The following SDK1 variants were observed in gnomAD, a reference collection of about 807,000 sequenced individuals.
SDK1 encodes the protein sidekick cell adhesion molecule 1.
A neutral mutation model predicts 245.5 loss-of-function variants in SDK1; 157 were observed. That is an observed-to-expected ratio of 0.64 (90% confidence interval 0.56 to 0.73). The LOEUF (loss-of-function observed/expected upper bound fraction) is 0.73, where lower values mean the gene tolerates loss of function less well. Among genes scored for constraint, SDK1 ranks in the 30% least tolerant of loss-of-function variants. The probability of loss-of-function intolerance (pLI) is 0.00; values close to 1 mark genes in which losing one functional copy is unlikely to be tolerated. For synonymous variants in SDK1, 1,647 were observed against 1,278.5 expected (o/e 1.29, Z -6.15); for missense variants, 3,583 against 3,002.3 (o/e 1.19, Z -4.52).
chr7:4,175,805 G>A lies in SDK1; in HGVS notation c.4967G>A (p.Ser1656Asn), dbSNP rs1358141234. Residue 1656 changes from serine to asparagine, a missense_variant, in exon 34 of 45, where the codon AGC becomes AAC. By Grantham distance (46) the Ser-to-Asn change is conservative. Transcript: ENST00000404826. ...AQSSFKTVNS[S>N]STSTMCELTH... ...AGCAGCTTCAAGACGGTGAACAGCAGCTCCACATCGACGATGTGTGAACTA... is the reference window on the plus strand; with the variant it reads ...AGCAGCTTCAAGACGGTGAACAGCAACTCCACATCGACGATGTGTGAACTA... The A allele has an allele frequency of 1.2e-6, 2 of 1,613,768 alleles. No individual in the cohort carries two copies. Among genetic ancestry groups the A allele is most frequent in the Non-Finnish European group, 1.7e-6 (2 of 1,180,040 alleles).
intron 4 of SDK1, among the ~76,000 whole-genome samples, chr7:3,754,428 T>C (rs998263444): frequency 6.6e-6 from 1 of 152,230 alleles, no homozygotes; most frequent in Non-Finnish European, 1.5e-5. Flanking sequence ...ACTCTTTTAT[T>C]GAAGCATTAA....
At chr7:3,797,886 CT>C (rs1562450531) in intron 4 of SDK1, among the ~76,000 whole-genome samples, 1 of 152,118 alleles carries the variant, frequency 6.6e-6, no homozygotes, top group African/African-American at 2.4e-5. Flanking sequence ...CAGATGTCAA[CT>C]TTTTGTTGTT....
intron 25 of SDK1, among the ~76,000 whole-genome samples, chr7:4,115,226 C>T (rs903318946): frequency 8.5e-5 from 13 of 152,216 alleles, no homozygotes; most frequent in Admixed American, 2.6e-4. Context: ...GAACCAGCTG[C>T]ACCTCTGCCC....
chr7:3,953,350 G>A (rs927720667), intron 7 of SDK1, among the ~76,000 whole-genome samples: 2 of 152,150 alleles, frequency 1.3e-5, no homozygotes, highest in Admixed American at 6.5e-5. Context: ...TGAAAGAAGC[G>A]AAAGTCTGTT....
intron 25 of SDK1, among the ~76,000 whole-genome samples, chr7:4,125,939 G>A (rs1784368246): frequency 6.6e-6 from 1 of 152,284 alleles, no homozygotes; most frequent in Non-Finnish European, 1.5e-5. Context: ...CCTGAGTCCG[G>A]CCTTACTCCA....
At chr7:3,567,505 C>T (rs145636089) in intron 1 of SDK1, among the ~76,000 whole-genome samples, 123 of 152,258 alleles carry the variant, frequency 8.1e-4, no homozygotes, top group African/African-American at 2.9e-3. Flanking sequence ...AAATTCTTGT[C>T]CTGGTGCTAG....
intron 4 of SDK1, among the ~76,000 whole-genome samples, chr7:3,779,938 CAAAA>C (rs34979965): frequency 4.3e-5 from 2 of 46,668 alleles, no homozygotes. Flanking sequence ...GACTCCGTCT[CAAAA>C]AAAAAAAAAA....
At chr7:3,410,130 A>G (rs80172600) in intron 1 of SDK1, among the ~76,000 whole-genome samples, 1 of 152,206 alleles carries the variant, frequency 6.6e-6, no homozygotes, top group East Asian at 1.9e-4. Flanking sequence ...TCATAATCAC[A>G]TTTTAATTCA....
At chr7:4,258,308 C>A (rs903087152) in intron 44 of SDK1, among the ~76,000 whole-genome samples, 1 of 152,156 alleles carries the variant, frequency 6.6e-6, no homozygotes, top group Non-Finnish European at 1.5e-5. Flanking sequence ...CCAGTGTGAA[C>A]CCTGCTTCCC....
At chr7:3,985,016 C>G (rs905046371) in intron 13 of SDK1, among the ~76,000 whole-genome samples, 2 of 152,220 alleles carry the variant, frequency 1.3e-5, no homozygotes, top group Admixed American at 6.5e-5. Context: ...CATGGTTGAA[C>G]CTAGTCCCCA....
chr7:3,766,192 A>T (rs1780248701), intron 4 of SDK1, among the ~76,000 whole-genome samples: 2 of 152,214 alleles, frequency 1.3e-5, no homozygotes, highest in Admixed American at 1.3e-4. Context: ...AGAGGACATT[A>T]TTCTTATCTC....
chr7:3,573,306 G>C (rs1197384209), intron 1 of SDK1, among the ~76,000 whole-genome samples: 1 of 152,152 alleles, frequency 6.6e-6, no homozygotes, highest in Non-Finnish European at 1.5e-5. Context: ...TGCACAGGCA[G>C]AAGAACACAT....
intron 4 of SDK1, among the ~76,000 whole-genome samples, chr7:3,790,507 G>T (rs1483534406): frequency 6.6e-6 from 1 of 152,060 alleles, no homozygotes; most frequent in African/African-American, 2.4e-5. Context: ...CAGATCACAT[G>T]GTTAAAAAGT....
At chr7:3,685,738 A>G (rs1784262820) in intron 4 of SDK1, among the ~76,000 whole-genome samples, 1 of 152,200 alleles carries the variant, frequency 6.6e-6, no homozygotes, top group Non-Finnish European at 1.5e-5. Flanking sequence ...ACATTGTGAT[A>G]CCCATATAAC....
chr7:3,390,150 C>CT (rs1176923538), intron 1 of SDK1, among the ~76,000 whole-genome samples: 5 of 152,114 alleles, frequency 3.3e-5, no homozygotes, highest in Non-Finnish European at 4.4e-5. Context: ...CTTCTTGCTG[C>CT]TTATAGTAAA....
rs746026917 is a variant in SDK1, at chr7:3,396,390, G to T, written c.298+94506G>T. Among the ~76,000 whole-genome samples the T allele has an allele frequency of 3.3e-5, 5 of 151,724 alleles. No individual in the cohort carries two copies. The South Asian group carries it at 1.0e-3, about 31-fold the overall frequency. On this transcript the variant is annotated intron_variant, in intron 1 of 44. Coordinates refer to ENST00000404826, the MANE Select transcript of SDK1 (RefSeq NM_152744.4). ...CTGTTGTGTGGAGTGTGCTTTAGATGTGTGTTAAGGTAAGTTGATTGGCAG... is the reference window on the plus strand; with the variant it reads ...CTGTTGTGTGGAGTGTGCTTTAGATTTGTGTTAAGGTAAGTTGATTGGCAG...
intron 4 of SDK1, among the ~76,000 whole-genome samples, chr7:3,710,240 C>A (rs1422714467): frequency 6.6e-6 from 1 of 152,154 alleles, no homozygotes; most frequent in Non-Finnish European, 1.5e-5. Flanking sequence ...ATTTTGTTTT[C>A]TTGCCTGTAT....
chr7:3,328,444 C>G (rs909553264), intron 1 of SDK1, among the ~76,000 whole-genome samples: 2 of 151,808 alleles, frequency 1.3e-5, no homozygotes, highest in African/African-American at 4.8e-5. Flanking sequence ...ATCTGGGTTG[C>G]TTGTATTAGT....
chr7:4,214,266 C>T lies in SDK1; in HGVS notation c.5539+4104C>T, dbSNP rs1255516817. ...GTGAAGGTGAACTTCAGAGATGGGG[C>T]TTGAGGAGGATTCACTAAAGCGTTT... is the stretch of plus-strand genomic sequence containing the variant. On this transcript the variant is annotated intron_variant, in intron 38 of 44. Coordinates refer to ENST00000404826, the MANE Select transcript of SDK1 (RefSeq NM_152744.4). 7.2e-5 allele frequency among the ~76,000 whole-genome samples: 11 copies of T among 152,308 alleles called. No homozygotes were observed. The South Asian group carries it at 1.9e-3, about 26-fold the overall frequency.
Sources: allele counts gnomAD v4.1 joint callset (sites outside exome capture counted in the v4.1 genomes callset), GRCh38; gene constraint gnomAD v4.1.1; transcripts MANE v1.5; gene names NCBI Gene and HGNC (gene_info 2026-07-23, HGNC 2026-07-21).